The following RNF213 variants were observed in gnomAD, a reference collection of about 807,000 sequenced individuals.
RNF213 encodes ring finger protein 213.
Under a neutral mutation model 514.4 loss-of-function variants are expected in RNF213, and 341 were observed. The ratio of observed to expected loss-of-function variants is 0.66; its 90% CI spans 0.61 to 0.73. The LOEUF (loss-of-function observed/expected upper bound fraction) is 0.73. Ranked by LOEUF, RNF213 falls within the 30% of genes least tolerant of loss-of-function variation. The pLI is 0.00. For missense variants in RNF213, 5,767 were observed against 6,615.6 expected (o/e 0.87, Z 4.45); for synonymous variants, 2,655 against 2,658.2 (o/e 1.00, Z 0.04).
At chr17:80,303,555 T>C (rs1374816033) in intron 11 of RNF213, among the ~76,000 whole-genome samples, 1 of 147,906 alleles carries the variant, frequency 6.8e-6, no homozygotes, top group East Asian at 1.9e-4. Context: ...CTTTTCTTTT[T>C]TCTTTTCTTT....
intron 17 of RNF213, among the ~76,000 whole-genome samples, chr17:80,324,097 T>C (rs1487470764): frequency 6.6e-6 from 1 of 152,206 alleles, no homozygotes; most frequent in East Asian, 1.9e-4. Flanking sequence ...TTCTCTTGCA[T>C]AACTGCCCTG....
intron 18 of RNF213, among the ~76,000 whole-genome samples, 181 bp from the exon 19 acceptor site, chr17:80,327,635 C>T (rs994759701): frequency 1.3e-5 from 2 of 152,202 alleles, no homozygotes; most frequent in African/African-American, 2.4e-5. Flanking sequence ...CAAGACCTAA[C>T]CCTCGTGGGG....
In RNF213 at chr17:80,377,737, A is replaced by C. The variant is rs893690431; in HGVS notation, c.13511-25A>C. On this transcript the variant is annotated intron_variant, in intron 53 of 67. Transcript: ENST00000582970. The surrounding 1 kb of genome is among the most constrained non-coding windows in gnomAD (Gnocchi z 4.1). ...GTCATTGGGTGAAACCTCATTAGCC[A>C]ATGTGTGTCCTGTTCTCTTCACAGC... The C allele has an allele frequency of 6.8e-6, 11 of 1,613,880 alleles. No individual in the cohort carries two copies. Among genetic ancestry groups the C allele is most frequent in the Non-Finnish European group, 9.3e-6 (11 of 1,179,918 alleles).
intron 11 of RNF213, among the ~76,000 whole-genome samples, chr17:80,299,329 C>G (rs1003573701): frequency 2.6e-5 from 4 of 152,136 alleles, no homozygotes; most frequent in African/African-American, 9.7e-5. Context: ...CATAAGCATC[C>G]TTAGCTTTCT....
intron 2 of RNF213, among the ~76,000 whole-genome samples, chr17:80,272,421 G>A (rs1432112351): frequency 1.3e-5 from 2 of 152,244 alleles, no homozygotes; most frequent in East Asian, 3.8e-4. Flanking sequence ...AGAGTAGGCC[G>A]ACGGGGATGC....
intron 6 of RNF213, 72 bp from the exon 7 acceptor site, chr17:80,290,496 TGC>T (rs1443441526): frequency 1.1e-4 from 169 of 1,568,818 alleles, no homozygotes; most frequent in Non-Finnish European, 1.4e-4. Context: ...CGTGTGTGTG[TGC>T]GCGTGTGTGC....
At position 80,385,180 on chromosome 17, in the gene RNF213, C is replaced by G. The variant is rs1353611508; in HGVS notation, c.14455+9C>G. 2 of 1,614,044 alleles carry G rather than the reference C, an allele frequency of 1.2e-6. No individual in the cohort carries two copies. Among genetic ancestry groups the G allele is most frequent in the Non-Finnish European group, 1.7e-6 (2 of 1,180,030 alleles). Reference sequence around the variant, plus strand: ...CAGCAAGCACAGCTCAGGTGTGGCTCTGCTCTGACAGGACCAGGACTGTCC... The same window carrying G: ...CAGCAAGCACAGCTCAGGTGTGGCTGTGCTCTGACAGGACCAGGACTGTCC... On this transcript the variant is annotated intron_variant, in intron 60 of 67. Transcript: ENST00000582970.
rs942875809 is a variant in RNF213, at chr17:80,353,309, G to T, written c.10424-203G>T. 1.1e-4 allele frequency: 89 copies of T among 786,450 alleles called. No homozygotes were observed. The East Asian group carries it at 2.2e-3, about 19-fold the overall frequency. The allele number at this position is 786,450 out of a possible 1,614,324, so 48.7% of individuals were successfully genotyped here. ...CCATGGAAGTGAGCACCTAGAACAC[G>T]CCAGAGCCCAGGCTGGAAGGAAGGG... On this transcript the variant is annotated intron_variant, in intron 33 of 67. Transcript: ENST00000582970. This position sits in a 1 kb window ranked among gnomAD's most constrained non-coding sequence, Gnocchi z 5.0.
At chr17:80,267,209 C>T (rs73442408) in intron 2 of RNF213, among the ~76,000 whole-genome samples, 12,782 of 149,596 alleles carry the variant, frequency 0.085, 789 homozygotes, top group East Asian at 0.31. Context: ...AACAGCGAGA[C>T]TCTGTCTCAA....
intron 1 of RNF213, among the ~76,000 whole-genome samples, chr17:80,261,425 C>T (rs2043415934): frequency 6.6e-6 from 1 of 152,304 alleles, no homozygotes; most frequent in Middle Eastern, 3.4e-3. Context: ...CGCCCGAGCG[C>T]GGGGCTCAAG....
At chr17:80,305,180 T>G (rs2045312358) in intron 11 of RNF213, among the ~76,000 whole-genome samples, 1 of 135,748 alleles carries the variant, frequency 7.4e-6, no homozygotes, top group Non-Finnish European at 1.5e-5. Context: ...CACCCAGCAG[T>G]GAACTTTTTT....
chr17:80,355,821 A>AGGG (rs1185439109), intron 36 of RNF213, among the ~76,000 whole-genome samples: 1 of 98,194 alleles, frequency 1.0e-5, no homozygotes, highest in Non-Finnish European at 2.1e-5. Flanking sequence ...GGGGGCTTAC[A>AGGG]GGAGAAGAAG....
intron 14 of RNF213, among the ~76,000 whole-genome samples, chr17:80,311,472 G>A (rs376860756): frequency 3.5e-4 from 54 of 152,296 alleles, no homozygotes; most frequent in South Asian, 3.3e-3. Flanking sequence ...TGCCTGTTTC[G>A]TTTTCTGTCG....
chr17:80,397,362 C>A lies in RNF213; in HGVS notation c.*3864C>A, dbSNP rs1469140199. 1 of 151,766 alleles carries A rather than the reference C, an allele frequency of 6.6e-6. No homozygotes were observed. The allele number at this position is 151,766 out of a possible 1,614,324, so 9.4% of individuals were successfully genotyped here. A position where few individuals can be genotyped will look rare whatever the true frequency, so the allele number is the denominator to read the frequency against. ...AGACCACCCCACATATTGTCTTACG[C>A]CCAATTTCTGCCTCCAAAGAGAGAA... is the stretch of plus-strand genomic sequence containing the variant. On this transcript the variant is annotated 3_prime_UTR_variant, in exon 68 of 68. Coordinates refer to ENST00000582970, the MANE Select transcript of RNF213 (RefSeq NM_001256071.3).
chr17:80,327,560 T>A (rs945879474), intron 18 of RNF213, among the ~76,000 whole-genome samples: 2 of 151,986 alleles, frequency 1.3e-5, no homozygotes, highest in African/African-American at 4.8e-5. Flanking sequence ...GTCTCCCAGC[T>A]GATTTTGGCC....
At chr17:80,306,538 C>T (rs1171535589) in intron 12 of RNF213, 70 bp downstream of exon 12, 1 of 1,452,230 alleles carries the variant, frequency 6.9e-7, no homozygotes, top group Non-Finnish European at 9.6e-7. Context: ...ACATGGAAAG[C>T]TCAGGATTCT....
chr17:80,287,084 G>C (rs564591102), intron 3 of RNF213, among the ~76,000 whole-genome samples: 1 of 152,328 alleles, frequency 6.6e-6, no homozygotes, highest in Admixed American at 6.5e-5. Context: ...AACCAGGCCA[G>C]GCACGGTGGC....
In RNF213 at chr17:80,343,823, C is replaced by T. The variant is rs370467413; in HGVS notation, c.6184-34C>T. The T allele has an allele frequency of 2.4e-4, 393 of 1,612,560 alleles. No homozygotes were observed. Among genetic ancestry groups the T allele is most frequent in the Non-Finnish European group, 3.1e-4 (360 of 1,178,826 alleles). On this transcript the variant is annotated intron_variant, in intron 27 of 67. Transcript: ENST00000582970. This position sits in a 1 kb window ranked among gnomAD's most constrained non-coding sequence, Gnocchi z 4.3. ...GAGTTGGGAGAACTCGCCATCGTGT[C>T]GTGTGTTTACACCTCGTGCGATTCT...
At chr17:80,354,390 C>G (rs776836125) in intron 35 of RNF213, 51 bp from the exon 36 acceptor site, 1 of 1,613,658 alleles carries the variant, frequency 6.2e-7, no homozygotes, top group South Asian at 1.1e-5. Flanking sequence ...CACTCCGGAG[C>G]CAACAGCTCA....
Sources: allele counts gnomAD v4.1 joint callset (sites outside exome capture counted in the v4.1 genomes callset), GRCh38; gene constraint gnomAD v4.1.1; non-coding constraint Gnocchi (gnomAD v3.1); transcripts MANE v1.5; gene names NCBI Gene and HGNC (gene_info 2026-07-23, HGNC 2026-07-21).